The following ARHGAP24 variants were observed in gnomAD, a reference collection of about 807,000 sequenced individuals.
ARHGAP24 encodes Rho GTPase activating protein 24, also known as rho GTPase-activating protein 24.
Under a neutral mutation model 76.4 loss-of-function variants are expected in ARHGAP24, and 50 were observed. That is an observed-to-expected ratio of 0.65 (90% CI 0.52 to 0.83). The LOEUF (loss-of-function observed/expected upper bound fraction) is 0.83, where lower values mean the gene tolerates loss of function less well. Ranked by LOEUF, ARHGAP24 falls within the 40% of genes least tolerant of loss-of-function variation. ARHGAP24 has a pLI of 0.00. For synonymous variants in ARHGAP24, 345 were observed against 323.3 expected, an observed-to-expected ratio of 1.07 and a Z score of -0.72; for missense variants, 930 against 914.2, an observed-to-expected ratio of 1.02 and a Z score of -0.22.
In ARHGAP24 at chr4:85,606,864, G is replaced by A. The variant is rs115867406; in HGVS notation, c.180+36143G>A. Among the ~76,000 whole-genome samples the A allele has an allele frequency of 7.4e-3, 1,130 of 152,308 alleles. 14 individuals are homozygous for A. Among genetic ancestry groups the A allele is most frequent in the African/African-American group, 0.026 (1,077 of 41,556 alleles). ...TTAAACCAGCAAGGGAATAAGAAAG[G>A]CTGGAGCCAGGGAAGAAAATAATTG... is the stretch of plus-strand genomic sequence containing the variant. On this transcript the variant is annotated intron_variant, in intron 2 of 9. Transcript: ENST00000395184.
In ARHGAP24 at chr4:85,549,416, G is replaced by A. The variant is rs142802446; in HGVS notation, c.-20-21106G>A. Among the ~76,000 whole-genome samples the A allele has an allele frequency of 5.7e-3, 870 of 151,708 alleles. 5 individuals are homozygous for A. The highest frequency in any genetic ancestry group is 0.011 in the Non-Finnish European group (717 of 67,896). On this transcript the variant is annotated intron_variant, in intron 1 of 9. Transcript: ENST00000395184. ...ATTCTCTGATATCTAATGATGCTAG[G>A]ACTGTTTCATGAGATTATTGGGTAT...
At chr4:85,815,138 C>A (rs1729182652) in intron 3 of ARHGAP24, among the ~76,000 whole-genome samples, 1 of 152,134 alleles carries the variant, frequency 6.6e-6, no homozygotes, top group Non-Finnish European at 1.5e-5. Flanking sequence ...ACCCTGGACC[C>A]AGCCCCCGAA....
chr4:85,561,403 A>T (rs1285936833), intron 1 of ARHGAP24, among the ~76,000 whole-genome samples: 1 of 152,190 alleles, frequency 6.6e-6, no homozygotes, highest in African/African-American at 2.4e-5. Flanking sequence ...TTGGACCTAG[A>T]GGATTGATTC....
chr4:85,864,038 T>G (rs1732051704), intron 3 of ARHGAP24, among the ~76,000 whole-genome samples: 1 of 152,088 alleles, frequency 6.6e-6, no homozygotes, highest in Non-Finnish European at 1.5e-5. Flanking sequence ...CATCTTAATC[T>G]TCTTATGCAA....
At chr4:85,717,600 T>C (rs1464007603) in intron 2 of ARHGAP24, among the ~76,000 whole-genome samples, 1 of 152,136 alleles carries the variant, frequency 6.6e-6, no homozygotes, top group Non-Finnish European at 1.5e-5. Flanking sequence ...TAATGTACTC[T>C]GCACATATGG....
At chr4:85,591,030 G>GTTT (rs1560544158) in intron 2 of ARHGAP24, among the ~76,000 whole-genome samples, 5 of 121,884 alleles carry the variant, frequency 4.1e-5, no homozygotes, top group African/African-American at 1.6e-4. Flanking sequence ...AAATCTGCTG[G>GTTT]GTTTTTTTTT....
chr4:85,919,331 G>C (rs1331847741), intron 3 of ARHGAP24, among the ~76,000 whole-genome samples: 3 of 152,152 alleles, frequency 2.0e-5, no homozygotes, highest in Non-Finnish European at 4.4e-5. Flanking sequence ...GCAGTGCCAG[G>C]CTCTTAGAAC....
At chr4:85,497,846 A>G (rs1283013294) in intron 1 of ARHGAP24, among the ~76,000 whole-genome samples, 1 of 152,180 alleles carries the variant, frequency 6.6e-6, no homozygotes, top group South Asian at 2.1e-4. Context: ...AAGAAAGAAA[A>G]GGAAAAGAAA....
At chr4:85,997,795 A>G (rs1197286983) in intron 9 of ARHGAP24, among the ~76,000 whole-genome samples, 1 of 151,768 alleles carries the variant, frequency 6.6e-6, no homozygotes, top group Non-Finnish European at 1.5e-5. Context: ...AGCTTGGATT[A>G]CAGATGCATG....
At chr4:85,992,372 A>T (rs1391802007) in intron 8 of ARHGAP24, among the ~76,000 whole-genome samples, 1 of 152,020 alleles carries the variant, frequency 6.6e-6, no homozygotes, top group Non-Finnish European at 1.5e-5. Flanking sequence ...ATCTCTAGGG[A>T]CCTGACACTC....
intron 2 of ARHGAP24, among the ~76,000 whole-genome samples, chr4:85,594,722 AG>A (rs1311773070): frequency 6.6e-6 from 1 of 152,144 alleles, no homozygotes; most frequent in African/African-American, 2.4e-5. Flanking sequence ...ATGTGGCACA[AG>A]GAGTCTTTTG....
At chr4:85,480,334 G>GAAAA (rs1418774798) in intron 1 of ARHGAP24, among the ~76,000 whole-genome samples, 1 of 151,900 alleles carries the variant, frequency 6.6e-6, no homozygotes, top group Non-Finnish European at 1.5e-5. Context: ...TTTTTGGTTA[G>GAAAA]AAAAAAGACA....
chr4:85,711,988 T>C (rs1202992880), intron 2 of ARHGAP24, among the ~76,000 whole-genome samples: 2 of 152,340 alleles, frequency 1.3e-5, no homozygotes, highest in East Asian at 3.9e-4. Context: ...TTCTGTTTCA[T>C]AATGAGACAC....
intron 2 of ARHGAP24, among the ~76,000 whole-genome samples, chr4:85,631,238 A>G (rs1047459024): frequency 3.3e-5 from 5 of 152,144 alleles, no homozygotes; most frequent in Non-Finnish European, 7.4e-5. Flanking sequence ...ACTTGAATAG[A>G]TATCTTTAAG....
At position 85,487,677 on chromosome 4, in the gene ARHGAP24, T is replaced by C. The variant is rs1224186785; in HGVS notation, c.-21+12118T>C. ...ATTACATATTATATAAACATATATT[T>C]ATTATATTATATAAATATATATTTA... On this transcript the variant is annotated intron_variant, in intron 1 of 9. Coordinates refer to ENST00000395184, the MANE Select transcript of ARHGAP24 (RefSeq NM_001025616.3). 4.7e-5 allele frequency among the ~76,000 whole-genome samples: 5 copies of C among 105,998 alleles called. No individual in the cohort carries two copies. The South Asian group carries it at 7.7e-4, about 16-fold the overall frequency. 69.5% of individuals were successfully genotyped at this position (105,998 alleles called of 152,430 possible).
chr4:85,617,362 G>T (rs1028413100), intron 2 of ARHGAP24, among the ~76,000 whole-genome samples: 1 of 151,452 alleles, frequency 6.6e-6, no homozygotes, highest in Non-Finnish European at 1.5e-5. Flanking sequence ...GCCAACAGTT[G>T]CCCTCCCAGC....
chr4:85,722,982 ATG>A (rs1156819385), intron 3 of ARHGAP24, among the ~76,000 whole-genome samples: 1 of 152,214 alleles, frequency 6.6e-6, no homozygotes, highest in Non-Finnish European at 1.5e-5. Context: ...CCATGACTAA[ATG>A]TGAATTAATG....
intron 2 of ARHGAP24, among the ~76,000 whole-genome samples, chr4:85,641,517 G>A (rs781361378): frequency 1.3e-5 from 2 of 152,032 alleles, no homozygotes; most frequent in African/African-American, 2.4e-5. Context: ...CTTGTACATG[G>A]CCATCTTCTC....
intron 3 of ARHGAP24, among the ~76,000 whole-genome samples, chr4:85,760,240 A>G (rs1726685130): frequency 6.6e-6 from 1 of 152,202 alleles, no homozygotes; most frequent in Admixed American, 6.5e-5. Flanking sequence ...GTTCAGGATT[A>G]CATTATTTTA....
Sources: gnomAD v4.1 joint callset for allele counts (sites outside exome capture counted in the v4.1 genomes callset) on GRCh38, gnomAD v4.1.1 for gene constraint, MANE v1.5 for transcripts, NCBI Gene and HGNC (gene_info 2026-07-23, HGNC 2026-07-21) for gene names.